KCNQ1: variants seen among roughly 807,000 people sequenced by gnomAD.
The protein encoded by KCNQ1 is potassium voltage-gated channel subfamily Q member 1.
KCNQ1 carries 49 observed loss-of-function variants against 72.4 expected under a neutral mutation model. That is an observed-to-expected ratio of 0.68 (90% CI 0.54 to 0.86). The LOEUF (loss-of-function observed/expected upper bound fraction) is 0.86. Ranked by LOEUF, KCNQ1 falls within the 40% of genes least tolerant of loss-of-function variation. The pLI, the probability that KCNQ1 is intolerant of heterozygous loss-of-function variation, is 0.00. For missense variants in KCNQ1, 790 were observed against 945.1 expected, an observed-to-expected ratio of 0.84 and a Z score of 2.15; for synonymous variants, 450 against 412.6, an observed-to-expected ratio of 1.09 and a Z score of -1.10.
intron 10 of KCNQ1, chr11:2,639,833 G>C (rs1339819615): frequency 6.6e-6 from 1 of 152,576 alleles, no homozygotes; most frequent in Non-Finnish European, 1.5e-5. Flanking sequence ...AGGCAGGCAG[G>C]CCTCCTTGAG....
In KCNQ1 at chr11:2,483,571, C is replaced by G. The variant is rs1336155334; in HGVS notation, c.386+38087C>G. On this transcript the variant is annotated intron_variant, in intron 1 of 15. Transcript: ENST00000155840. This position sits in a 1 kb window ranked among gnomAD's most constrained non-coding sequence, Gnocchi z 6.1. ...GCAGCCTGTGCCAGCTCCTCAGTCT[C>G]TCTTTGTCTTTCGTGACCTTGATGT... 6.6e-6 allele frequency among the ~76,000 whole-genome samples: 1 copy of G among 152,202 alleles called. No homozygotes were observed. The highest frequency in any genetic ancestry group is 1.5e-5 in the Non-Finnish European group (1 of 68,046).
At position 2,745,958 on chromosome 11, in the gene KCNQ1, C is replaced by T. The variant is rs1046973751; in HGVS notation, c.1515-22886C>T. 1.5e-4 allele frequency among the ~76,000 whole-genome samples: 23 copies of T among 152,310 alleles called. No homozygotes were observed. Among genetic ancestry groups the T allele is most frequent in the African/African-American group, 5.3e-4 (22 of 41,562 alleles). On this transcript the variant is annotated intron_variant, in intron 11 of 15. Transcript: ENST00000155840. The surrounding 1 kb of genome is among the most constrained non-coding windows in gnomAD (Gnocchi z 6.2). ...AGGCTGGAGTGCAGTGGTGCGATCT[C>T]GGCTCACTGCAAACTCCACCTCCCG...
intron 11 of KCNQ1, among the ~76,000 whole-genome samples, chr11:2,756,966 A>C (rs906860464): frequency 4.1e-5 from 6 of 147,630 alleles, no homozygotes; most frequent in Admixed American, 2.0e-4. Flanking sequence ...AAAAAAAAAA[A>C]AAAAAAAAAA....
At chr11:2,696,455 C>T (rs1220682053) in intron 11 of KCNQ1, 3 of 398,564 alleles carry the variant, frequency 7.5e-6, no homozygotes, top group Admixed American at 4.4e-5. Context: ...TGTCACCACA[C>T]CGCTCTGATT....
At chr11:2,552,017 T>C (rs1459355646) in intron 2 of KCNQ1, among the ~76,000 whole-genome samples, 2 of 152,256 alleles carry the variant, frequency 1.3e-5, no homozygotes, top group African/African-American at 2.4e-5. Flanking sequence ...TTTACAAATA[T>C]TTTCTCCCAG....
In KCNQ1 at chr11:2,752,344, C is replaced by T. The variant is rs1426421811; in HGVS notation, c.1515-16500C>T. On this transcript the variant is annotated intron_variant, in intron 11 of 15. Coordinates refer to ENST00000155840, the MANE Select transcript of KCNQ1 (RefSeq NM_000218.3). The surrounding 1 kb of genome is among the most constrained non-coding windows in gnomAD (Gnocchi z 5.2). ...TTGAGTGGCTTCCATGAAGCTGATC[C>T]GGACTAAGCTAAACTGAGTTTCATT... is the stretch of plus-strand genomic sequence containing the variant. 2.6e-5 allele frequency among the ~76,000 whole-genome samples: 4 copies of T among 151,368 alleles called. No homozygotes were observed. The highest frequency in any genetic ancestry group is 4.4e-5 in the Non-Finnish European group (3 of 67,942).
intron 10 of KCNQ1, chr11:2,660,320 C>T (rs1467658352): frequency 2.5e-6 from 1 of 398,278 alleles, no homozygotes; most frequent in African/African-American, 2.1e-5. Flanking sequence ...ACATACAACA[C>T]ATTCAAATAG....
At chr11:2,535,696 C>T (rs1052683245) in intron 2 of KCNQ1, among the ~76,000 whole-genome samples, 1 of 152,222 alleles carries the variant, frequency 6.6e-6, no homozygotes, top group Admixed American at 6.5e-5. Flanking sequence ...ACCCACTCTG[C>T]ACCTGAGAGA....
Position 2,642,358 on chromosome 11 carries a change from T to G in KCNQ1, c.1394-19603T>G. ...TGGTTAAACTCATTCCTAGATTTTT[T>G]GTAGTGGTTGTAAAAGATAATGCCT... On this transcript the variant is annotated intron_variant, in intron 10 of 15. Coordinates refer to ENST00000155840, the MANE Select transcript of KCNQ1 (RefSeq NM_000218.3). This position sits in a 1 kb window ranked among gnomAD's most constrained non-coding sequence, Gnocchi z 4.3. 2 of 398,244 alleles carry G rather than the reference T, an allele frequency of 5.0e-6. No homozygotes were observed. The highest frequency in any genetic ancestry group is 7.1e-5 in the East Asian group (2 of 27,994). The allele number at this position is 398,244 out of a possible 1,614,324, so 24.7% of individuals were successfully genotyped here.
rs1847744511 is a variant in KCNQ1, at chr11:2,537,050, C to A, written c.477+9032C>A. On this transcript the variant is annotated intron_variant, in intron 2 of 15. Transcript: ENST00000155840. This position sits in a 1 kb window ranked among gnomAD's most constrained non-coding sequence, Gnocchi z 5.2. ...GGCTACCCTACTCCACTGTGACCCC[C>A]CTCCTAACTGATCATATCTGCAGGG... 6.6e-6 allele frequency among the ~76,000 whole-genome samples: 1 copy of A among 152,022 alleles called. No homozygotes were observed. Among genetic ancestry groups the A allele is most frequent in the Admixed American group, 6.5e-5 (1 of 15,282 alleles).
chr11:2,634,321 CCCCCCT>C lies in KCNQ1; in HGVS notation c.1394-27634_1394-27629del, dbSNP rs869270496. On this transcript the variant is annotated intron_variant, in intron 10 of 15. Coordinates refer to ENST00000155840, the MANE Select transcript of KCNQ1 (RefSeq NM_000218.3). ...TCTCCTAATGCTTTCCCTCCCCCCT[CCCCCCT>C]CCCCCCCCACCCCACAACAGGCCCT... 7.9e-4 allele frequency: 189 copies of C among 240,650 alleles called. 2 individuals are homozygous for C. The highest frequency in any genetic ancestry group is 2.2e-3 in the South Asian group (9 of 4,148). The allele number at this position is 240,650 out of a possible 1,614,324, so 14.9% of individuals were successfully genotyped here.
rs893798082 is a variant in KCNQ1, at chr11:2,645,020, T to C, written c.1394-16941T>C. ...GTGTTAGCAAGTCCAGGGAAACCAATTTTGGGCCTCCAGGCAACTTGCTCA... is the reference window on the plus strand; with the variant it reads ...GTGTTAGCAAGTCCAGGGAAACCAACTTTGGGCCTCCAGGCAACTTGCTCA... On this transcript the variant is annotated intron_variant, in intron 10 of 15. Coordinates refer to ENST00000155840, the MANE Select transcript of KCNQ1 (RefSeq NM_000218.3). This position sits in a 1 kb window ranked among gnomAD's most constrained non-coding sequence, Gnocchi z 5.8. 5.5e-4 allele frequency: 218 copies of C among 398,584 alleles called. No individual in the cohort carries two copies. The highest frequency in any genetic ancestry group is 3.7e-3 in the African/African-American group (179 of 48,604). 24.7% of individuals were successfully genotyped at this position (398,584 alleles called of 1,614,324 possible).
Position 2,671,747 on chromosome 11 carries a change from A to G in KCNQ1, c.1514+9666A>G. The G allele has an allele frequency of 2.5e-6, 1 of 398,700 alleles. No individual in the cohort carries two copies. Among genetic ancestry groups the G allele is most frequent in the Non-Finnish European group, 4.4e-6 (1 of 226,108 alleles). 24.7% of individuals were successfully genotyped at this position (398,700 alleles called of 1,614,324 possible). A position where few individuals can be genotyped will look rare whatever the true frequency, so the allele number is the denominator to read the frequency against. On this transcript the variant is annotated intron_variant, in intron 11 of 15. Transcript: ENST00000155840. The surrounding 1 kb of genome is among the most constrained non-coding windows in gnomAD (Gnocchi z 4.7). ...AAGGCTTTTCAGAGAACAAGGAGCT[A>G]CATACACATACATGCATGCACATAA...
intron 10 of KCNQ1, chr11:2,650,139 G>C (rs1262763781): frequency 2.5e-6 from 1 of 397,988 alleles, no homozygotes; most frequent in Non-Finnish European, 4.4e-6. Context: ...TTTTTGTTTG[G>C]TTCTTTTTCA....
chr11:2,657,639 A>G lies in KCNQ1; in HGVS notation c.1394-4322A>G, dbSNP rs1849873393. 1.3e-5 allele frequency: 5 copies of G among 398,616 alleles called. No individual in the cohort carries two copies. The highest frequency in any genetic ancestry group is 2.2e-5 in the Non-Finnish European group (5 of 226,058). The allele number at this position is 398,616 out of a possible 1,614,324, so 24.7% of individuals were successfully genotyped here. A position where few individuals can be genotyped will look rare whatever the true frequency, so the allele number is the denominator to read the frequency against. ...TGGTACACTATTAAGCTAGAGTTAT[A>G]AATTTATTTGGATTTCCCCAGTTTA... On this transcript the variant is annotated intron_variant, in intron 10 of 15. Coordinates refer to ENST00000155840, the MANE Select transcript of KCNQ1 (RefSeq NM_000218.3). The surrounding 1 kb of genome is among the most constrained non-coding windows in gnomAD (Gnocchi z 4.8).
At position 2,703,857 on chromosome 11, in the gene KCNQ1, G is replaced by T. The variant is rs1476676143; in HGVS notation, c.1514+41776G>T. 6.6e-6 allele frequency among the ~76,000 whole-genome samples: 1 copy of T among 152,220 alleles called. No homozygotes were observed. The highest frequency in any genetic ancestry group is 1.5e-5 in the Non-Finnish European group (1 of 68,038). ...TGGAACCATCTTCAGACCCAGCCAG[G>T]TTCCCAAGTTGCTGCTTCCCTCGGA... On this transcript the variant is annotated intron_variant, in intron 11 of 15. Transcript: ENST00000155840. This position sits in a 1 kb window ranked among gnomAD's most constrained non-coding sequence, Gnocchi z 6.4.
At chr11:2,810,559 C>G (rs1326938539) in intron 15 of KCNQ1, among the ~76,000 whole-genome samples, 1 of 152,250 alleles carries the variant, frequency 6.6e-6, no homozygotes, top group Non-Finnish European at 1.5e-5. Flanking sequence ...TGACCGTGGT[C>G]ATGGCATTCC....
chr11:2,570,944 A>G (rs1047024237), intron 3 of KCNQ1, among the ~76,000 whole-genome samples, 190 bp downstream of exon 3: 4 of 152,152 alleles, frequency 2.6e-5, no homozygotes, highest in African/African-American at 9.7e-5. Context: ...GACGCTGATC[A>G]TGGTGTTGGG....
rs1848209891 is a variant in KCNQ1 at position 2,563,936 on chromosome 11, C to T, written c.478-6692C>T. Among the ~76,000 whole-genome samples, 1 of 152,244 alleles carries T rather than the reference C, an allele frequency of 6.6e-6. No individual in the cohort carries two copies. Among genetic ancestry groups the T allele is most frequent in the Non-Finnish European group, 1.5e-5 (1 of 68,044 alleles). ...TTAAGAACTAAAGGCTCAAGGACAG[C>T]TACAGATGACCACAGCTGGAGTGCG... is the stretch of plus-strand genomic sequence containing the variant. On this transcript the variant is annotated intron_variant, in intron 2 of 15. Transcript: ENST00000155840. The surrounding 1 kb of genome is among the most constrained non-coding windows in gnomAD (Gnocchi z 7.4).
Sources: allele counts gnomAD v4.1 joint callset (sites outside exome capture counted in the v4.1 genomes callset), GRCh38; gene constraint gnomAD v4.1.1; non-coding constraint Gnocchi (gnomAD v3.1); transcripts MANE v1.5; gene names NCBI Gene and HGNC (gene_info 2026-07-23, HGNC 2026-07-21).